STK10: variants seen among roughly 807,000 people sequenced by gnomAD.
STK10 encodes serine/threonine-protein kinase 10.
A neutral mutation model predicts 113.8 loss-of-function variants in STK10; 78 were observed. The observed-to-expected ratio is 0.69, with a 90% CI of 0.57 to 0.83. The LOEUF is 0.83. Among genes scored for constraint, STK10 ranks in the 40% least tolerant of loss-of-function variants. The probability of loss-of-function intolerance (pLI) is 0.00; values close to 1 mark genes in which losing one functional copy is unlikely to be tolerated. For synonymous variants in STK10, 465 were observed against 494.7 expected (o/e 0.94, Z 0.80); for missense variants, 1,109 against 1,280.1 (o/e 0.87, Z 2.04).
rs113361836 is a variant in STK10, at chr5:172,090,538, C to T, written c.1555-176G>A. On this transcript the variant is annotated intron_variant, in intron 9 of 18. Transcript: ENST00000176763. ...TAACCTAGGAGCTGGGGGTTCTGAG[C>T]TTATTCCCTTGCTCTTCCCTGATCT... Among the ~76,000 whole-genome samples the T allele has an allele frequency of 6.0e-4, 91 of 152,248 alleles. 1 individual carries two copies. The highest frequency in any genetic ancestry group is 2.2e-3 in the African/African-American group (90 of 41,554).
intron 17 of STK10, among the ~76,000 whole-genome samples, chr5:172,053,725 T>C (rs1767683381): frequency 6.6e-6 from 1 of 152,252 alleles, no homozygotes; most frequent in Non-Finnish European, 1.5e-5. Context: ...GTTGGAAAAG[T>C]AGAATCCTTT....
intron 1 of STK10, among the ~76,000 whole-genome samples, chr5:172,176,896 C>T (rs907665951): frequency 2.6e-5 from 4 of 152,182 alleles, no homozygotes; most frequent in African/African-American, 7.2e-5. Flanking sequence ...CCCCAGAGGC[C>T]GGTGCGGTGG....
chr5:172,056,995 G>GAAGGAAGGAAAGAA, intron 15 of STK10: 1 of 69,684 alleles, frequency 1.4e-5, no homozygotes, highest in East Asian at 4.5e-4. Context: ...AAGAAAGAAA[G>GAAGGAAGGAAAGAA]AGAAAGAAGG....
intron 2 of STK10, 40 bp from the exon 3 acceptor site, chr5:172,127,461 G>A (rs1769647586): frequency 1.2e-6 from 2 of 1,609,886 alleles, no homozygotes; most frequent in Non-Finnish European, 8.5e-7. Flanking sequence ...GAGTGGGGCT[G>A]CCCAGCCGTC....
intron 13 of STK10, chr5:172,064,420 G>A: frequency 2.2e-6 from 1 of 446,306 alleles, no homozygotes; most frequent in Non-Finnish European, 4.1e-6. Context: ...TCAAGGAGAT[G>A]TGACTTACAA....
At chr5:172,059,912 T>C (rs999778769) in intron 14 of STK10, among the ~76,000 whole-genome samples, 1 of 152,196 alleles carries the variant, frequency 6.6e-6, no homozygotes, top group African/African-American at 2.4e-5. Flanking sequence ...CTTCCTGATA[T>C]TGTCATCCAA....
At chr5:172,097,226 G>T (rs887395810) in intron 7 of STK10, among the ~76,000 whole-genome samples, 9 of 152,064 alleles carry the variant, frequency 5.9e-5, no homozygotes, top group African/African-American at 1.9e-4. Flanking sequence ...TTTTAGTAGA[G>T]ACGGGGTTTC....
At chr5:172,109,067 G>A (rs935422036) in intron 4 of STK10, among the ~76,000 whole-genome samples, 1 of 152,142 alleles carries the variant, frequency 6.6e-6, no homozygotes, top group Non-Finnish European at 1.5e-5. Flanking sequence ...TTATAGGCGT[G>A]AGCCACTGCG....
At chr5:172,072,804 A>G (rs1768225706) in intron 12 of STK10, among the ~76,000 whole-genome samples, 1 of 152,240 alleles carries the variant, frequency 6.6e-6, no homozygotes, top group South Asian at 2.1e-4. Context: ...AAGCATACAG[A>G]TTGAAAAGGA....
intron 1 of STK10, among the ~76,000 whole-genome samples, chr5:172,161,458 A>T (rs572099572): frequency 3.7e-4 from 56 of 152,248 alleles, no homozygotes; most frequent in Middle Eastern, 6.8e-3. Context: ...GTCTCAAAAA[A>T]AAAAAATAAA....
At chr5:172,114,029 C>G (rs960494170) in intron 4 of STK10, among the ~76,000 whole-genome samples, 3 of 152,114 alleles carry the variant, frequency 2.0e-5, no homozygotes, top group Non-Finnish European at 2.9e-5. Flanking sequence ...TCGTTTATAT[C>G]TATGACCCTT....
chr5:172,128,611 G>A (rs945713569), intron 2 of STK10, among the ~76,000 whole-genome samples: 22 of 152,318 alleles, frequency 1.4e-4, no homozygotes, highest in African/African-American at 4.3e-4. Context: ...GATTACAGGC[G>A]TGAGCCACCC....
intron 12 of STK10, among the ~76,000 whole-genome samples, chr5:172,081,211 CGT>C (rs1768419676): frequency 6.6e-6 from 1 of 151,836 alleles, no homozygotes; most frequent in South Asian, 2.1e-4. Flanking sequence ...ATTAGCCAAG[CGT>C]GGTGGTGCGT....
chr5:172,085,265 G>T (rs994714868), intron 10 of STK10, among the ~76,000 whole-genome samples: 5 of 151,772 alleles, frequency 3.3e-5, no homozygotes, highest in Non-Finnish European at 7.4e-5. Context: ...AAAAAAAATT[G>T]ACCTAAGCAA....
chr5:172,061,552 A>G (rs1767938465), intron 13 of STK10: 1 of 241,184 alleles, frequency 4.1e-6, no homozygotes, highest in Non-Finnish European at 8.2e-6. Context: ...CCCGCGTTCA[A>G]GTGATTCTCC....
chr5:172,163,269 T>G (rs568627831), intron 1 of STK10, among the ~76,000 whole-genome samples: 1 of 152,018 alleles, frequency 6.6e-6, no homozygotes, highest in East Asian at 1.9e-4. Flanking sequence ...TTCAGAGAGG[T>G]GGGGTGATGT....
At chr5:172,145,898 G>A (rs897350184) in intron 2 of STK10, among the ~76,000 whole-genome samples, 30 of 152,278 alleles carry the variant, frequency 2.0e-4, no homozygotes, top group African/African-American at 2.4e-4. Flanking sequence ...GCTGGAAACC[G>A]AAATCACCAT....
intron 1 of STK10, among the ~76,000 whole-genome samples, chr5:172,161,423 A>G (rs545562821): frequency 6.6e-6 from 1 of 152,174 alleles, no homozygotes; most frequent in African/African-American, 2.4e-5. Flanking sequence ...ACTGCACTCC[A>G]GCCTGGGTGA....
intron 3 of STK10, among the ~76,000 whole-genome samples, chr5:172,126,032 A>G (rs1244473756): frequency 6.6e-6 from 1 of 152,158 alleles, no homozygotes; most frequent in Non-Finnish European, 1.5e-5. Flanking sequence ...CAGGGAAAAT[A>G]CCTTGAATGG....
Sources: allele counts gnomAD v4.1 joint callset (sites outside exome capture counted in the v4.1 genomes callset), GRCh38; gene constraint gnomAD v4.1.1; transcripts MANE v1.5; gene names NCBI Gene and HGNC (gene_info 2026-07-23, HGNC 2026-07-21).